Variants in GRIA3 observed in about 807,000 individuals in gnomAD.
GRIA3 encodes glutamate receptor 3.
A neutral mutation model predicts 63.0 loss-of-function variants in GRIA3; 3 were observed. The ratio of observed to expected loss-of-function variants is 0.05; its 90% CI spans 0.02 to 0.12. The LOEUF (loss-of-function observed/expected upper bound fraction) is 0.12. Ranked by LOEUF, GRIA3 falls within the 10% of genes least tolerant of loss-of-function variation. GRIA3 has a pLI of 1.00. For missense variants in GRIA3, 347 were observed against 700.9 expected, an observed-to-expected ratio of 0.50 and a Z score of 5.70; for synonymous variants, 274 against 257.9, an observed-to-expected ratio of 1.06 and a Z score of -0.60.
chrX:123,372,331 T>C (rs953432612), intron 5 of GRIA3, among the ~76,000 whole-genome samples: 29 of 112,067 alleles, frequency 2.6e-4, no homozygotes, highest in Middle Eastern at 4.7e-3. Flanking sequence ...TGTTCTTCTT[T>C]CTCAGGATAG....
chrX:123,202,420 T>G (rs1927766734), intron 2 of GRIA3, among the ~76,000 whole-genome samples: 1 of 112,489 alleles, frequency 8.9e-6, no homozygotes, highest in African/African-American at 3.2e-5. Context: ...TTAAGAAATG[T>G]AGTGTGAAGT....
chrX:123,270,100 G>T (rs1190048407), intron 3 of GRIA3, among the ~76,000 whole-genome samples: 1 of 112,149 alleles, frequency 8.9e-6, no homozygotes, highest in African/African-American at 3.2e-5. Context: ...CTTAGAATTG[G>T]GAAACTAAGC....
intron 3 of GRIA3, among the ~76,000 whole-genome samples, chrX:123,281,273 C>A (rs1014276473): frequency 9.0e-6 from 1 of 111,420 alleles, no homozygotes; most frequent in African/African-American, 3.3e-5. Flanking sequence ...ATAATATGAT[C>A]TTGGCATACT....
intron 2 of GRIA3, among the ~76,000 whole-genome samples, chrX:123,238,767 T>C (rs2044314642): frequency 9.5e-6 from 1 of 105,571 alleles, no homozygotes; most frequent in African/African-American, 3.3e-5. Flanking sequence ...TTATCGATCA[T>C]AGACTCTGGC....
At chrX:123,424,058 C>T (rs936389845) in intron 11 of GRIA3, among the ~76,000 whole-genome samples, 1 of 111,988 alleles carries the variant, frequency 8.9e-6, no homozygotes, top group African/African-American at 3.2e-5. Context: ...CTTTTATAAA[C>T]ACTAAATGTG....
intron 15 of GRIA3, among the ~76,000 whole-genome samples, chrX:123,484,378 A>G (rs987515492): frequency 8.9e-6 from 1 of 112,431 alleles, no homozygotes; most frequent in African/African-American, 3.2e-5. Flanking sequence ...GGCAATTTTG[A>G]CCTCATGAGT....
chrX:123,207,117 GATGTT>G (rs1430846465), intron 2 of GRIA3, among the ~76,000 whole-genome samples: 1 of 108,589 alleles, frequency 9.2e-6, no homozygotes, highest in Non-Finnish European at 1.9e-5. Flanking sequence ...GGACCACGGT[GATGTT>G]AACAGACATG....
chrX:123,392,935 G>T (rs1490397331), intron 5 of GRIA3, among the ~76,000 whole-genome samples: 1 of 111,703 alleles, frequency 9.0e-6, no homozygotes, highest in Non-Finnish European at 1.9e-5. Flanking sequence ...AAACCCCAAT[G>T]GTAGCCTCTG....
intron 3 of GRIA3, among the ~76,000 whole-genome samples, chrX:123,267,779 G>A (rs909624075): frequency 8.9e-6 from 1 of 111,846 alleles, no homozygotes; most frequent in East Asian, 2.8e-4. Context: ...CTTCCTTCTT[G>A]GTTCTATCTT....
At chrX:123,283,932 A>G (rs2044602015) in intron 3 of GRIA3, among the ~76,000 whole-genome samples, 1 of 111,823 alleles carries the variant, frequency 8.9e-6, no homozygotes, top group African/African-American at 3.3e-5. Flanking sequence ...TGGGTCCCTG[A>G]CCCCCATGCC....
intron 1 of GRIA3, chrX:123,184,931 G>A (rs1265533344): frequency 2.3e-6 from 1 of 444,320 alleles, no homozygotes; most frequent in East Asian, 4.8e-5. Context: ...AGGCGAGCAG[G>A]AGGCTGGGAT....
intron 3 of GRIA3, among the ~76,000 whole-genome samples, chrX:123,285,558 T>C (rs188246895): frequency 1.9e-5 from 1 of 52,384 alleles, no homozygotes; most frequent in Non-Finnish European, 3.3e-5. Flanking sequence ...GGAAAAATAC[T>C]TTCCAAGCAA....
At chrX:123,253,809 C>G in intron 3 of GRIA3, 1 of 315,111 alleles carries the variant, frequency 3.2e-6, no homozygotes, top group South Asian at 5.8e-5. Flanking sequence ...AAGAACGCCT[C>G]CCCCATCAAA....
intron 13 of GRIA3, among the ~76,000 whole-genome samples, chrX:123,469,739 G>T (rs1261431547): frequency 8.9e-6 from 1 of 112,248 alleles, no homozygotes; most frequent in Non-Finnish European, 1.9e-5. Flanking sequence ...AGGGATTTGT[G>T]ACATAGCCAG....
intron 2 of GRIA3, among the ~76,000 whole-genome samples, chrX:123,240,080 C>T (rs1053519402): frequency 1.8e-5 from 2 of 111,508 alleles, no homozygotes; most frequent in African/African-American, 6.5e-5. Context: ...TTCTTAGATT[C>T]GAGCTAGACC....
chrX:123,292,181 T>C (rs1569415138), intron 3 of GRIA3, among the ~76,000 whole-genome samples: 1 of 111,885 alleles, frequency 8.9e-6, no homozygotes, highest in Non-Finnish European at 1.9e-5. Flanking sequence ...ATAGGGACCA[T>C]CACAAAGAAA....
At chrX:123,410,821 T>C (rs2045501183) in intron 10 of GRIA3, among the ~76,000 whole-genome samples, 1 of 111,803 alleles carries the variant, frequency 8.9e-6, no homozygotes, top group Admixed American at 9.5e-5. Context: ...TATTTCCAGC[T>C]AAACGTAGTC....
intron 4 of GRIA3, among the ~76,000 whole-genome samples, chrX:123,335,822 C>T (rs756495413): frequency 9.8e-5 from 11 of 111,887 alleles, no homozygotes; most frequent in African/African-American, 3.6e-4. Flanking sequence ...GCCCTAATAC[C>T]TCTTACTTCA....
Position 123,454,875 on chromosome X carries a change from G to A in GRIA3, c.2077-9990G>A, listed in dbSNP as rs763061520. On this transcript the variant is annotated intron_variant, in intron 12 of 15. Coordinates refer to ENST00000620443, the MANE Select transcript of GRIA3 (RefSeq NM_007325.5). ...TTAGTCTGACTCAGCAAGAGAAGCA[G>A]AAGATTAATCAGAACAGTAATCTGA... is the stretch of plus-strand genomic sequence containing the variant. Among the ~76,000 whole-genome samples, 23 of 112,118 alleles carry A rather than the reference G, an allele frequency of 2.1e-4. No individual in the cohort carries two copies. In the South Asian group the frequency reaches 8.6e-3, roughly 42 times the overall value.
Sources: allele counts gnomAD v4.1 joint callset (sites outside exome capture counted in the v4.1 genomes callset), GRCh38; gene constraint gnomAD v4.1.1; transcripts MANE v1.5; gene names NCBI Gene and HGNC (gene_info 2026-07-23, HGNC 2026-07-21).